Variants in RETREG2 observed in about 807,000 individuals in gnomAD.
RETREG2 encodes the protein reticulophagy regulator 2.
RETREG2 carries 21 observed loss-of-function variants against 51.6 expected under a neutral mutation model. That is an observed-to-expected ratio of 0.41 (90% CI 0.29 to 0.59). The LOEUF is 0.59. Ranked by LOEUF, RETREG2 falls within the 20% of genes least tolerant of loss-of-function variation. The pLI is 0.34. For synonymous variants in RETREG2, 339 were observed against 288.6 expected (o/e 1.17, Z -1.77); for missense variants, 674 against 646.0 (o/e 1.04, Z -0.47).
intron 3 of RETREG2, 137 bp downstream of exon 3, chr2:219,179,900 G>A: frequency 8.3e-7 from 1 of 1,198,572 alleles, no homozygotes; most frequent in Non-Finnish European, 1.2e-6. Context: ...CATGGTCCTA[G>A]GCTCCTGTGT....
At position 219,181,993 on chromosome 2, in the gene RETREG2, A is replaced by G; in HGVS notation, c.1016-20A>G. On this transcript the variant is annotated intron_variant, in intron 8 of 8. Transcript: ENST00000430297. ...CAGACCAGCAGCAGGCCCATTCTTA[A>G]TTCTTTGTTCTCTGCACAGATTTGG... 1 of 1,607,890 alleles carries G rather than the reference A, an allele frequency of 6.2e-7. No individual in the cohort carries two copies. The highest frequency in any genetic ancestry group is 8.5e-7 in the Non-Finnish European group (1 of 1,175,404).
chr2:219,182,196 G>T lies in RETREG2; in HGVS notation c.1199G>T (p.Arg400Leu), dbSNP rs768135448. Reference protein sequence around the residue: ...EDVAAKETLLRLSSPLHFVNT... With the variant: ...EDVAAKETLLLLSSPLHFVNT... ...GTGGCAGCTAAGGAAACCTTGTTGC[G>T]GCTCTCATCCCCCCTCCACTTTGTG... is the stretch of plus-strand genomic sequence containing the variant. The change falls in exon 9 of 9, where the codon CGG becomes CTG. Residue 400 changes from arginine to leucine, a missense_variant. Arg to Leu is a moderately radical substitution (Grantham distance 102). Transcript: ENST00000430297. 2 of 1,614,096 alleles carry T rather than the reference G, an allele frequency of 1.2e-6. No homozygotes were observed. Among genetic ancestry groups the T allele is most frequent in the East Asian group, 2.2e-5 (1 of 44,878 alleles).
Position 219,182,205 on chromosome 2 carries a change from C to G in RETREG2, c.1208C>G (p.Ser403Cys), listed in dbSNP as rs750758787. Residue 403 changes from serine (S) to cysteine (C), a missense_variant, in exon 9 of 9, where the codon TCC becomes TGC. By Grantham distance (112) the Ser-to-Cys change is moderately radical. Transcript: ENST00000430297. Reference protein sequence around the residue: ...AAKETLLRLSSPLHFVNTHFN... With the variant: ...AAKETLLRLSCPLHFVNTHFN... ...AAGGAAACCTTGTTGCGGCTCTCAT[C>G]CCCCCTCCACTTTGTGAACACGCAC... The G allele has an allele frequency of 1.9e-6, 3 of 1,613,948 alleles. No homozygotes were observed. Among genetic ancestry groups the G allele is most frequent in the African/African-American group, 2.7e-5 (2 of 74,878 alleles).
In RETREG2 at chr2:219,181,285, G is replaced by T; in HGVS notation, c.784+80G>T. 4.4e-6 allele frequency: 7 copies of T among 1,607,082 alleles called. No homozygotes were observed. The South Asian group carries it at 7.7e-5, about 18-fold the overall frequency. ...GGTTCATGAGATGCCCTGGAATTGA[G>T]ATCTTCTCCAGTTCTTTAGCTGTGT... On this transcript the variant is annotated intron_variant, in intron 6 of 8. Coordinates refer to ENST00000430297, the MANE Select transcript of RETREG2 (RefSeq NM_024293.6).
At position 219,182,248 on chromosome 2, in the gene RETREG2, C is replaced by G. The variant is rs200443275; in HGVS notation, c.1251C>G (p.Ser417=). Residue 417 remains serine, a synonymous_variant, in exon 9 of 9, where the codon TCC becomes TCG. Coordinates refer to ENST00000430297, the MANE Select transcript of RETREG2 (RefSeq NM_024293.6). ...FVNTHFNGAG[S]PPDGVKCSPG... ...ACACGCACTTCAATGGGGCAGGGTC[C>G]CCCCCAGATGGAGTGAAATGCTCCC... The G allele has an allele frequency of 1.2e-6, 2 of 1,614,078 alleles. No homozygotes were observed. Among genetic ancestry groups the G allele is most frequent in the Non-Finnish European group, 1.7e-6 (2 of 1,179,994 alleles).
chr2:219,181,880 C>G (rs1222958279), intron 8 of RETREG2, 105 bp downstream of exon 8: 19 of 1,555,558 alleles, frequency 1.2e-5, no homozygotes, highest in Non-Finnish European at 1.6e-5. Context: ...ATTCTCTCAG[C>G]TCCTAAAAGA....
Position 219,179,048 on chromosome 2 carries a change from G to T in RETREG2, c.388+20G>T. ...TTTCAGGTGAGTGTTTCTTCATTCAGTAAGCACCCATTGGGTACTTGCTTG... is the reference window on the plus strand; with the variant it reads ...TTTCAGGTGAGTGTTTCTTCATTCATTAAGCACCCATTGGGTACTTGCTTG... On this transcript the variant is annotated intron_variant, in intron 2 of 8. Transcript: ENST00000430297. 1 of 1,560,458 alleles carries T rather than the reference G, an allele frequency of 6.4e-7. No individual in the cohort carries two copies. Among genetic ancestry groups the T allele is most frequent in the East Asian group, 2.2e-5 (1 of 44,598 alleles).
At chr2:219,179,086 G>T (rs1415989146) in intron 2 of RETREG2, 58 bp downstream of exon 2, 4 of 1,307,556 alleles carry the variant, frequency 3.1e-6, no homozygotes, top group South Asian at 1.2e-5. Flanking sequence ...GCCTGATTCC[G>T]CTGGGTGGGG....
chr2:219,179,815 C>CCA, intron 3 of RETREG2, 52 bp downstream of exon 3: 1 of 1,570,898 alleles, frequency 6.4e-7, no homozygotes, highest in Non-Finnish European at 8.8e-7. Flanking sequence ...GTCCTGCTTG[C>CCA]TGGTGCCAGT....
Position 219,178,449 on chromosome 2 carries a change from A to G in RETREG2, c.97A>G (p.Ser33Gly). 1 of 789,234 alleles carries G rather than the reference A, an allele frequency of 1.3e-6. No individual in the cohort carries two copies. Among genetic ancestry groups the G allele is most frequent in the Non-Finnish European group, 1.9e-6 (1 of 517,144 alleles). 48.9% of individuals were successfully genotyped at this position (789,234 alleles called of 1,614,324 possible). The change falls in exon 1 of 9, where the codon AGT becomes GGT. Residue 33 changes from serine to glycine, a missense_variant. Coordinates refer to ENST00000430297, the MANE Select transcript of RETREG2 (RefSeq NM_024293.6). ...GLGLGLSLGM[S>G]EATSEAEEEA... ...GGGTCTGGGTCTGAGCCTAGGCATG[A>G]GTGAGGCCACCAGTGAGGCAGAGGA...
chr2:219,179,603 T>C, intron 2 of RETREG2, 130 bp from the exon 3 acceptor site: 1 of 817,420 alleles, frequency 1.2e-6, no homozygotes, highest in Non-Finnish European at 2.1e-6. Context: ...CAAAAACATG[T>C]AACAGCTCCC....
rs1559224136 is a variant in RETREG2 at position 219,184,823 on chromosome 2, G to GTTTTTTTTTTTTTTTTTTTTTTTTT, written c.*2194_*2195insTTTTTTTTTTTTTTTTTTTTTTTTT. The GTTTTTTTTTTTTTTTTTTTTTTTTT allele has an allele frequency of 3.2e-5, 1 of 30,804 alleles. No individual in the cohort carries two copies. Among genetic ancestry groups the GTTTTTTTTTTTTTTTTTTTTTTTTT allele is most frequent in the East Asian group, 5.0e-4 (1 of 2,010 alleles). The allele number at this position is 30,804 out of a possible 1,614,324, so 1.9% of individuals were successfully genotyped here. On this transcript the variant is annotated 3_prime_UTR_variant, in exon 9 of 9. Coordinates refer to ENST00000430297, the MANE Select transcript of RETREG2 (RefSeq NM_024293.6). ...GTTGTTTTGGTTTTTTGTTTTTTGTGGGTTTTTTTTTTTTTTTTTTTGAGA... is the reference window on the plus strand; with the variant it reads ...GTTGTTTTGGTTTTTTGTTTTTTGTGTTTTTTTTTTTTTTTTTTTTTTTTTGGTTTTTTTTTTTTTTTTTTTGAGA...
rs149941380 is a variant in RETREG2, at chr2:219,181,132, G to A, written c.711G>A (p.Glu237=). Residue 237 remains glutamate, a synonymous_variant, in exon 6 of 9, where the codon GAG becomes GAA. Coordinates refer to ENST00000430297, the MANE Select transcript of RETREG2 (RefSeq NM_024293.6). ...TCCAGAGGATGTACACTCGCCTGGA[G>A]CCCCTGCTCATGCAGCTGGACTACA... ...ELIQRMYTRL[E]PLLMQLDYSM... 2.3e-4 allele frequency: 368 copies of A among 1,614,150 alleles called. No homozygotes were observed. In the African/African-American group the frequency reaches 2.6e-3, roughly 11 times the overall value.
At chr2:219,180,044 A>G in intron 3 of RETREG2, 66 bp from the exon 4 acceptor site, 1 of 1,585,562 alleles carries the variant, frequency 6.3e-7, no homozygotes, top group Non-Finnish European at 8.6e-7. Context: ...TGGCATTCTC[A>G]GAGGGATTTA....
At chr2:219,178,656 C>T (rs1321381317) in intron 1 of RETREG2, 23 bp downstream of exon 1, 9 of 1,158,330 alleles carry the variant, frequency 7.8e-6, no homozygotes, top group African/African-American at 1.8e-5. Flanking sequence ...GAGGAGGGGG[C>T]GGGGCCGGGA....
intron 1 of RETREG2, 115 bp from the exon 2 acceptor site, chr2:219,178,807 G>T (rs1950229635): frequency 9.0e-7 from 1 of 1,107,144 alleles, no homozygotes; most frequent in South Asian, 1.5e-5. Context: ...GTCGTGAGTC[G>T]CGAGTTAGGC....
At position 219,182,942 on chromosome 2, in the gene RETREG2, C is replaced by T; in HGVS notation, c.*313C>T. On this transcript the variant is annotated 3_prime_UTR_variant, in exon 9 of 9. Transcript: ENST00000430297. ...CATCTCTATTCTCATTCCACTATGCCCCAAGCCCTGGTGGTCTGGCCCTTT... is the reference window on the plus strand; with the variant it reads ...CATCTCTATTCTCATTCCACTATGCTCCAAGCCCTGGTGGTCTGGCCCTTT... The T allele has an allele frequency of 5.2e-6, 2 of 381,354 alleles. No homozygotes were observed. The highest frequency in any genetic ancestry group is 9.7e-6 in the Non-Finnish European group (2 of 205,416). 23.6% of individuals were successfully genotyped at this position (381,354 alleles called of 1,614,324 possible).
chr2:219,179,501 C>T (rs1950245119), intron 2 of RETREG2, among the ~76,000 whole-genome samples: 1 of 152,184 alleles, frequency 6.6e-6, no homozygotes, highest in Admixed American at 6.5e-5. Context: ...TAGTAGGTGA[C>T]AGGCTGTATG....
chr2:219,181,884 T>C (rs1950284468), intron 8 of RETREG2, 109 bp downstream of exon 8: 1 of 1,555,170 alleles, frequency 6.4e-7, no homozygotes, highest in Non-Finnish European at 8.7e-7. Context: ...TCTCAGCTCC[T>C]AAAAGACCTT....
Sources: gnomAD v4.1 joint callset for allele counts (sites outside exome capture counted in the v4.1 genomes callset) on GRCh38, gnomAD v4.1.1 for gene constraint, MANE v1.5 for transcripts, NCBI Gene and HGNC (gene_info 2026-07-23, HGNC 2026-07-21) for gene names.